DNAH2: variants seen among roughly 807,000 people sequenced by gnomAD.
DNAH2 encodes the protein axonemal beta dynein heavy chain 2.
A neutral mutation model predicts 523.5 loss-of-function variants in DNAH2; 323 were observed. That is an observed-to-expected ratio of 0.62 (90% CI 0.56 to 0.68). The LOEUF is 0.68. DNAH2 is among the 30% of genes least tolerant of loss of function. The probability of loss-of-function intolerance (pLI) is 0.00; values close to 1 mark genes in which losing one functional copy is unlikely to be tolerated. For missense variants in DNAH2, 4,907 were observed against 5,701.5 expected (o/e 0.86, Z 4.49); for synonymous variants, 2,093 against 2,177.4 (o/e 0.96, Z 1.08).
chr17:7,776,674 C>A, intron 31 of DNAH2, 105 bp from the exon 32 acceptor site: 1 of 807,128 alleles, frequency 1.2e-6, no homozygotes. Context: ...AGATTGGGTG[C>A]AGTTGGGAGA....
chr17:7,804,874 T>C (rs2077324588), intron 59 of DNAH2, 84 bp from the exon 60 acceptor site: 1 of 1,223,640 alleles, frequency 8.2e-7, no homozygotes, highest in Admixed American at 2.2e-5. Context: ...TTTAGCTTTC[T>C]CTTTCATCTT....
chr17:7,736,302 C>T (rs2075140587), intron 7 of DNAH2, among the ~76,000 whole-genome samples: 1 of 152,114 alleles, frequency 6.6e-6, no homozygotes, highest in African/African-American at 2.4e-5. Flanking sequence ...AAAATTTCAG[C>T]TGGGCATTAA....
intron 63 of DNAH2, among the ~76,000 whole-genome samples, chr17:7,815,477 G>A (rs994448363): frequency 7.2e-5 from 11 of 152,012 alleles, no homozygotes; most frequent in African/African-American, 2.7e-4. Flanking sequence ...ACTGCTGTTG[G>A]GTGGTCAGAT....
chr17:7,735,530 C>T (rs1182392172), intron 7 of DNAH2, among the ~76,000 whole-genome samples: 1 of 152,122 alleles, frequency 6.6e-6, no homozygotes, highest in Non-Finnish European at 1.5e-5. Context: ...CCTCTACCTC[C>T]TGGGCTCAAG....
At chr17:7,758,201 T>C (rs2075897829) in intron 13 of DNAH2, among the ~76,000 whole-genome samples, 1 of 152,240 alleles carries the variant, frequency 6.6e-6, no homozygotes, top group Non-Finnish European at 1.5e-5. Flanking sequence ...ACATTTCAAA[T>C]GCTCCATAGC....
In DNAH2 at chr17:7,792,016, C is replaced by G; in HGVS notation, c.7000C>G (p.Arg2334Gly). 1 of 1,613,790 alleles carries G rather than the reference C, an allele frequency of 6.2e-7. No individual in the cohort carries two copies. Among genetic ancestry groups the G allele is most frequent in the Non-Finnish European group, 8.5e-7 (1 of 1,179,966 alleles). The change falls in exon 45 of 86, where the codon CGG becomes GGG. Residue 2334 changes from arginine to glycine, a missense_variant. Around this residue, in one of 3 missense-constraint regions of DNAH2, gnomAD observed 2,806 missense variants for 3,190.8 expected, o/e 0.88. Transcript: ENST00000572933. ...GTGTGCCTCTGTGGATGAGGAGGGC[C>G]GGAAGAGGATCGACAGCTACCTCCG... ...SVCASVDEEG[R>G]KRIDSYLREI...
intron 48 of DNAH2, 38 bp downstream of exon 48, chr17:7,793,243 CCTT>C (rs770996068): frequency 6.3e-7 from 1 of 1,595,888 alleles, no homozygotes; most frequent in Admixed American, 1.7e-5. Flanking sequence ...GGCCTCTGCT[CCTT>C]CTGGGATAGG....
intron 31 of DNAH2, among the ~76,000 whole-genome samples, 199 bp from the exon 32 acceptor site, chr17:7,776,580 C>T (rs1212963287): frequency 6.6e-6 from 1 of 152,158 alleles, no homozygotes; most frequent in African/African-American, 2.4e-5. Flanking sequence ...GGTTTCTTAC[C>T]CCCCTTTCTG....
intron 9 of DNAH2, 114 bp from the exon 10 acceptor site, chr17:7,740,306 G>A: frequency 1.3e-6 from 2 of 1,496,756 alleles, no homozygotes; most frequent in Admixed American, 2.0e-5. Context: ...TACTTGGAGT[G>A]CCTGGCACAC....
intron 2 of DNAH2, 118 bp from the exon 3 acceptor site, chr17:7,723,510 G>A: frequency 1.3e-6 from 1 of 772,242 alleles, no homozygotes; most frequent in Non-Finnish European, 2.3e-6. Flanking sequence ...GACCTCAGGT[G>A]ATCCTCCCGC....
chr17:7,751,818 G>A (rs546886735), intron 12 of DNAH2, among the ~76,000 whole-genome samples: 39 of 152,078 alleles, frequency 2.6e-4, no homozygotes, highest in Non-Finnish European at 4.6e-4. Context: ...TCCAAAAATA[G>A]TCTCATTCCT....
intron 4 of DNAH2, among the ~76,000 whole-genome samples, chr17:7,731,033 G>A (rs1349085206): frequency 6.6e-6 from 1 of 151,954 alleles, no homozygotes. Context: ...CAGGAGAATC[G>A]CTTGAACCAG....
At chr17:7,823,308 A>AAT in intron 73 of DNAH2, 134 bp from the exon 74 acceptor site, 1 of 901,684 alleles carries the variant, frequency 1.1e-6, no homozygotes, top group Non-Finnish European at 1.7e-6. Context: ...AAAAAAAAAA[A>AAT]AATTCCATTT....
At chr17:7,762,183 G>A (rs778119363) in intron 18 of DNAH2, among the ~76,000 whole-genome samples, 16 of 152,156 alleles carry the variant, frequency 1.1e-4, no homozygotes, top group Non-Finnish European at 1.9e-4. Context: ...CCCTGTGCTC[G>A]TGTACTGTGT....
intron 7 of DNAH2, 49 bp downstream of exon 7, chr17:7,734,757 G>T: frequency 6.3e-7 from 1 of 1,585,444 alleles, no homozygotes; most frequent in South Asian, 1.1e-5. Flanking sequence ...GTGGGCAATG[G>T]TTGGGATGAT....
intron 30 of DNAH2, among the ~76,000 whole-genome samples, chr17:7,775,649 T>C (rs1005779999): frequency 1.7e-4 from 25 of 145,198 alleles, no homozygotes; most frequent in African/African-American, 5.0e-4. Context: ...TGCGCCATTG[T>C]ACTCCAGCCT....
intron 28 of DNAH2, among the ~76,000 whole-genome samples, 188 bp downstream of exon 28, chr17:7,771,656 T>A (rs572361462): frequency 6.6e-6 from 1 of 152,302 alleles, no homozygotes; most frequent in African/African-American, 2.4e-5. Context: ...GAGTGGAGTA[T>A]AATAATGTAG....
rs1322140021 is a variant in DNAH2 at position 7,776,871 on chromosome 17, G to A, written c.5040G>A (p.Lys1680=). The part of the protein sequence containing the change: ...AKERADKKIL[K]VMKKNQVSIL... ...AGCGGGCAGACAAGAAAATCCTCAA[G>A]GTCATGAAGAAGAACCAGGTGAGAG... The change falls in exon 32 of 86, where the codon AAG becomes AAA. Residue 1680 remains lysine, a synonymous_variant. Transcript: ENST00000572933. 3.1e-6 allele frequency: 5 copies of A among 1,611,766 alleles called. No homozygotes were observed. In the Admixed American group the frequency reaches 5.0e-5, roughly 16 times the overall value.
In DNAH2 at chr17:7,798,368, C is replaced by T. The variant is rs1458380103; in HGVS notation, c.8398+44C>T. The T allele has an allele frequency of 1.9e-6, 3 of 1,578,554 alleles. No homozygotes were observed. The highest frequency in any genetic ancestry group is 2.2e-5 in the East Asian group (1 of 44,464). Reference sequence around the variant, plus strand: ...AATGCTAGGAATAAAAGATCAGATGCATACATTCCTGCAGTGACAAGAGAG... The same window carrying T: ...AATGCTAGGAATAAAAGATCAGATGTATACATTCCTGCAGTGACAAGAGAG... On this transcript the variant is annotated intron_variant, in intron 54 of 85. Transcript: ENST00000572933. The surrounding 1 kb of genome is among the most constrained non-coding windows in gnomAD (Gnocchi z 5.5).
Sources: gnomAD v4.1 joint callset for allele counts (sites outside exome capture counted in the v4.1 genomes callset) on GRCh38, gnomAD v4.1.1 for gene constraint, gnomAD v4.1.1 regional missense constraint, Gnocchi (gnomAD v3.1) non-coding constraint, MANE v1.5 for transcripts, NCBI Gene and HGNC (gene_info 2026-07-23, HGNC 2026-07-21) for gene names.